Variants in CTNNA3 observed in about 807,000 individuals in gnomAD.
The protein encoded by CTNNA3 is catenin alpha-3.
CTNNA3 carries 76 observed loss-of-function variants against 95.7 expected under a neutral mutation model. The observed-to-expected ratio is 0.79, with a 90% CI of 0.66 to 0.96. The LOEUF (loss-of-function observed/expected upper bound fraction) is 0.96. Ranked by LOEUF, CTNNA3 falls within the 40% of genes least tolerant of loss-of-function variation. CTNNA3 has a pLI of 0.00. For synonymous variants in CTNNA3, 431 were observed against 374.4 expected (o/e 1.15, Z -1.74); for missense variants, 1,191 against 1,089.8 (o/e 1.09, Z -1.31).
At position 65,920,204 on chromosome 10, in the gene CTNNA3, T is replaced by C. The variant is rs921523871; in HGVS notation, c.*126A>G. 2 of 794,216 alleles carry C rather than the reference T, an allele frequency of 2.5e-6. No homozygotes were observed. Among genetic ancestry groups the C allele is most frequent in the Non-Finnish European group, 4.1e-6 (2 of 491,946 alleles). The allele number at this position is 794,216 out of a possible 1,614,324, so 49.2% of individuals were successfully genotyped here. On this transcript the variant is annotated 3_prime_UTR_variant, in exon 18 of 18. Coordinates refer to ENST00000433211, the MANE Select transcript of CTNNA3 (RefSeq NM_013266.4). The stretch of plus-strand genomic sequence containing the variant: ...TTGCTTTTGTTGATTTAGCGCCCAA[T>C]ATTTTATGTTATTTGTGAGTTAAAC...
intron 17 of CTNNA3, among the ~76,000 whole-genome samples, chr10:65,955,980 T>G (rs2077721121): frequency 6.6e-6 from 1 of 152,208 alleles, no homozygotes; most frequent in Non-Finnish European, 1.5e-5. Context: ...CTCCTCTTTG[T>G]GCCTCTGGGA....
At chr10:67,594,661 G>T (rs1318816858) in intron 3 of CTNNA3, among the ~76,000 whole-genome samples, 4 of 151,298 alleles carry the variant, frequency 2.6e-5, no homozygotes, top group African/African-American at 9.7e-5. Context: ...TCATAATCTA[G>T]GTAGTAGTCT....
At chr10:66,232,617 T>A (rs1015687309) in intron 13 of CTNNA3, among the ~76,000 whole-genome samples, 1 of 152,096 alleles carries the variant, frequency 6.6e-6, no homozygotes, top group Non-Finnish European at 1.5e-5. Flanking sequence ...AAGTTAATAC[T>A]GAATAGGAAG....
intron 9 of CTNNA3, among the ~76,000 whole-genome samples, chr10:66,729,259 C>T (rs918871532): frequency 6.6e-6 from 1 of 152,206 alleles, no homozygotes; most frequent in Non-Finnish European, 1.5e-5. Flanking sequence ...GAAATACCAT[C>T]TCATGCCAGT....
rs534231779 is a variant in CTNNA3 at position 66,067,877 on chromosome 10, CT to C, written c.2159+1430del. Among the ~76,000 whole-genome samples, 19 of 152,222 alleles carry C rather than the reference CT, an allele frequency of 1.2e-4. No individual in the cohort carries two copies. In the South Asian group the frequency reaches 3.7e-3, roughly 30 times the overall value. ...GTTGCAGTGAGCCGAGATCGTGCCA[CT>C]GCACTCCAGCCTGGATGACAGAGCG... On this transcript the variant is annotated intron_variant, in intron 15 of 17. Transcript: ENST00000433211.
chr10:66,497,181 C>A (rs1413958103), intron 11 of CTNNA3, among the ~76,000 whole-genome samples: 1 of 152,018 alleles, frequency 6.6e-6, no homozygotes, highest in East Asian at 1.9e-4. Context: ...TAATTCAGCA[C>A]ATAATAAAGC....
At chr10:67,189,745 AAAGAG>A (rs1841383239) in intron 6 of CTNNA3, among the ~76,000 whole-genome samples, 1 of 152,144 alleles carries the variant, frequency 6.6e-6, no homozygotes, top group Non-Finnish European at 1.5e-5. Flanking sequence ...AAAACAAGTC[AAAGAG>A]AAGACAGGTA....
intron 1 of CTNNA3, among the ~76,000 whole-genome samples, chr10:67,685,168 T>A (rs1333368557): frequency 1.3e-5 from 2 of 152,220 alleles, no homozygotes; most frequent in Non-Finnish European, 2.9e-5. Context: ...TAATACATGT[T>A]ACTCCGTTAA....
intron 5 of CTNNA3, among the ~76,000 whole-genome samples, chr10:67,296,411 G>T (rs1044954470): frequency 1.3e-5 from 2 of 152,070 alleles, no homozygotes; most frequent in African/African-American, 2.4e-5. Flanking sequence ...GCCATAAAAA[G>T]GTCTGTTAAT....
At chr10:66,437,170 G>A (rs978460227) in intron 11 of CTNNA3, among the ~76,000 whole-genome samples, 5 of 151,792 alleles carry the variant, frequency 3.3e-5, no homozygotes, top group African/African-American at 1.2e-4. Flanking sequence ...TGTGTCTTGG[G>A]GTTGCTCTTC....
intron 1 of CTNNA3, among the ~76,000 whole-genome samples, chr10:67,730,184 C>T (rs1841266557): frequency 6.6e-6 from 1 of 152,034 alleles, no homozygotes; most frequent in Non-Finnish European, 1.5e-5. Context: ...TTAGAAATTT[C>T]TAAGTAAAAC....
chr10:67,630,330 T>G (rs1028404849), intron 2 of CTNNA3, among the ~76,000 whole-genome samples: 2 of 152,238 alleles, frequency 1.3e-5, no homozygotes, highest in Non-Finnish European at 2.9e-5. Flanking sequence ...ACATATGTCA[T>G]GTCCAGGTGA....
At chr10:66,442,391 A>C (rs766414128) in intron 11 of CTNNA3, among the ~76,000 whole-genome samples, 5 of 152,156 alleles carry the variant, frequency 3.3e-5, no homozygotes, top group Admixed American at 3.3e-4. Flanking sequence ...TCTTGACCTC[A>C]AGCTTTTTAA....
At chr10:67,482,015 C>T (rs1848252034) in intron 5 of CTNNA3, among the ~76,000 whole-genome samples, 1 of 151,990 alleles carries the variant, frequency 6.6e-6, no homozygotes, top group African/African-American at 2.4e-5. Flanking sequence ...AATCCTTTCC[C>T]CATTGCTTGT....
intron 10 of CTNNA3, among the ~76,000 whole-genome samples, chr10:66,599,470 C>G (rs758136092): frequency 6.6e-6 from 1 of 151,980 alleles, no homozygotes; most frequent in African/African-American, 2.4e-5. Context: ...TTCTCCTAGG[C>G]TGCCCCCATG....
chr10:66,433,162 C>A (rs1437518717), intron 11 of CTNNA3, among the ~76,000 whole-genome samples: 1 of 152,000 alleles, frequency 6.6e-6, no homozygotes, highest in African/African-American at 2.4e-5. Context: ...GGGTATATAC[C>A]CACTAATGGG....
chr10:66,580,143 T>C (rs1843137283), intron 10 of CTNNA3, among the ~76,000 whole-genome samples: 1 of 151,788 alleles, frequency 6.6e-6, no homozygotes, highest in Non-Finnish European at 1.5e-5. Context: ...AGCCCATATG[T>C]TGACTTTTTA....
At chr10:66,626,450 A>C (rs1589036082) in intron 9 of CTNNA3, among the ~76,000 whole-genome samples, 2 of 152,190 alleles carry the variant, frequency 1.3e-5, no homozygotes, top group Non-Finnish European at 2.9e-5. Flanking sequence ...ATTTTCATGC[A>C]TTTTCCCATC....
chr10:67,435,774 A>G (rs1157697401), intron 5 of CTNNA3, among the ~76,000 whole-genome samples: 1 of 152,132 alleles, frequency 6.6e-6, no homozygotes, highest in Non-Finnish European at 1.5e-5. Context: ...AAAGCAGTCG[A>G]AAGACCTATA....
Sources: allele counts gnomAD v4.1 joint callset (sites outside exome capture counted in the v4.1 genomes callset), GRCh38; gene constraint gnomAD v4.1.1; transcripts MANE v1.5; gene names NCBI Gene and HGNC (gene_info 2026-07-23, HGNC 2026-07-21).